The following CDH20 variants were observed in gnomAD, a reference collection of about 807,000 sequenced individuals.
The protein encoded by CDH20 is cadherin-20.
In CDH20, 29 loss-of-function variants were observed where a neutral mutation model predicts 74.2. That is an observed-to-expected ratio of 0.39 (90% CI 0.29 to 0.53). The LOEUF is 0.53. Among genes scored for constraint, CDH20 ranks in the 20% least tolerant of loss-of-function variants. The probability of loss-of-function intolerance (pLI) is 0.69; values close to 1 mark genes in which losing one functional copy is unlikely to be tolerated. For synonymous variants in CDH20, 469 were observed against 405.4 expected (o/e 1.16, Z -1.88); for missense variants, 988 against 1,048.3 (o/e 0.94, Z 0.79).
At chr18:61,368,432 G>T (rs1024915236) in intron 1 of CDH20, among the ~76,000 whole-genome samples, 1 of 122,770 alleles carries the variant, frequency 8.1e-6, no homozygotes, top group Non-Finnish European at 1.6e-5. Flanking sequence ...AGGACTGCTG[G>T]GTCGGGGGTG....
intron 1 of CDH20, among the ~76,000 whole-genome samples, chr18:61,366,881 A>G (rs1910879752): frequency 6.6e-6 from 1 of 152,168 alleles, no homozygotes; most frequent in South Asian, 2.1e-4. Context: ...TACAATGCTA[A>G]ATTACCTTGA....
At chr18:61,417,671 G>T (rs1050282208) in intron 1 of CDH20, among the ~76,000 whole-genome samples, 1 of 151,510 alleles carries the variant, frequency 6.6e-6, no homozygotes, top group East Asian at 1.9e-4. Context: ...GTGTGGAGGG[G>T]GCAGATAGAA....
At chr18:61,431,929 C>T (rs72991872) in intron 1 of CDH20, among the ~76,000 whole-genome samples, 4,156 of 152,028 alleles carry the variant, frequency 0.027, 195 homozygotes, top group East Asian at 0.21. Flanking sequence ...AACATGAACG[C>T]TTTGTATTTA....
At chr18:61,500,102 T>TAAA (rs534695760) in intron 3 of CDH20, among the ~76,000 whole-genome samples, 1 of 56,576 alleles carries the variant, frequency 1.8e-5, no homozygotes. Context: ...GACTCCATCT[T>TAAA]AAAAAAAAAA....
At chr18:61,432,261 A>AAC (rs1913283054) in intron 1 of CDH20, among the ~76,000 whole-genome samples, 1 of 151,354 alleles carries the variant, frequency 6.6e-6, no homozygotes, top group African/African-American at 2.4e-5. Context: ...AAAAAAAAAA[A>AAC]AAACACAAAG....
At chr18:61,549,235 C>G (rs1013362556) in intron 10 of CDH20, among the ~76,000 whole-genome samples, 1 of 152,204 alleles carries the variant, frequency 6.6e-6, no homozygotes, top group African/African-American at 2.4e-5. Flanking sequence ...ACATACACAT[C>G]CCAACTTTGT....
Position 61,500,406 on chromosome 18 carries a change from G to A in CDH20, c.565G>A (p.Ala189Thr). 1 of 1,612,552 alleles carries A rather than the reference G, an allele frequency of 6.2e-7. No homozygotes were observed. The highest frequency in any genetic ancestry group is 1.1e-5 in the South Asian group (1 of 90,786). ...AGGTACCTCCGTCATCCAAGTGACAGCCACAGATGCAGATGACCCGACCTA... is the reference window on the plus strand; with the variant it reads ...AGGTACCTCCGTCATCCAAGTGACAACCACAGATGCAGATGACCCGACCTA... ...PVGTSVIQVTATDADDPTYGN... is the reference protein window; with the variant it reads ...PVGTSVIQVTTTDADDPTYGN... The change falls in exon 4 of 12, where the codon GCC (alanine) becomes ACC (threonine). Residue 189 changes from alanine (A) to threonine (T), a missense_variant. Transcript: ENST00000262717.
At chr18:61,458,156 T>C (rs893043172) in intron 1 of CDH20, among the ~76,000 whole-genome samples, 26 of 152,194 alleles carry the variant, frequency 1.7e-4, no homozygotes, top group African/African-American at 6.0e-4. Flanking sequence ...GGTTGCCTTC[T>C]CATTCCCTAC....
At chr18:61,519,039 T>C (rs1281119068) in intron 6 of CDH20, among the ~76,000 whole-genome samples, 1 of 150,896 alleles carries the variant, frequency 6.6e-6, no homozygotes, top group Non-Finnish European at 1.5e-5. Context: ...AAGATCAACT[T>C]AATGAAAAAA....
intron 6 of CDH20, among the ~76,000 whole-genome samples, chr18:61,517,118 C>A (rs1912028193): frequency 6.6e-6 from 1 of 152,116 alleles, no homozygotes; most frequent in South Asian, 2.1e-4. Context: ...GAATCATGCA[C>A]CTAAATGTAA....
intron 7 of CDH20, among the ~76,000 whole-genome samples, chr18:61,535,068 C>T (rs1048790562): frequency 1.3e-5 from 2 of 152,026 alleles, no homozygotes; most frequent in South Asian, 2.1e-4. Context: ...GTAATCCCGG[C>T]ACTTTGGGAG....
At chr18:61,400,063 C>T (rs1214863427) in intron 1 of CDH20, among the ~76,000 whole-genome samples, 1 of 152,152 alleles carries the variant, frequency 6.6e-6, no homozygotes, top group Non-Finnish European at 1.5e-5. Context: ...ACAGAAAAGT[C>T]TTTGTTGGTC....
rs1394110449 is a variant in CDH20, at chr18:61,555,391, C to G, written c.*696C>G. On this transcript the variant is annotated 3_prime_UTR_variant, in exon 12 of 12. Coordinates refer to ENST00000262717, the MANE Select transcript of CDH20 (RefSeq NM_031891.4). Reference sequence around the variant, plus strand: ...CATCCAACGCCATCAAGTTAGAGTGCTCGTGTCTCCTCTCAGCTATTTAAC... The same window carrying G: ...CATCCAACGCCATCAAGTTAGAGTGGTCGTGTCTCCTCTCAGCTATTTAAC... 6.1e-6 allele frequency: 6 copies of G among 985,466 alleles called. No homozygotes were observed. The highest frequency in any genetic ancestry group is 7.2e-6 in the Non-Finnish European group (6 of 829,956). The allele number at this position is 985,466 out of a possible 1,614,324, so 61.0% of individuals were successfully genotyped here. A position where few individuals can be genotyped will look rare whatever the true frequency, so the allele number is the denominator to read the frequency against.
intron 7 of CDH20, among the ~76,000 whole-genome samples, chr18:61,533,593 T>C (rs1912723485): frequency 1.3e-5 from 2 of 152,236 alleles, no homozygotes; most frequent in Admixed American, 1.3e-4. Flanking sequence ...CTTCACTCTG[T>C]TGTTTCCTTT....
At chr18:61,451,253 A>G (rs1422605458) in intron 1 of CDH20, among the ~76,000 whole-genome samples, 1 of 152,062 alleles carries the variant, frequency 6.6e-6, no homozygotes, top group Non-Finnish European at 1.5e-5. Flanking sequence ...GCCTACTGTC[A>G]AATTTTCAGA....
chr18:61,343,912 T>C (rs1568102627), intron 1 of CDH20, among the ~76,000 whole-genome samples: 1 of 152,130 alleles, frequency 6.6e-6, no homozygotes, highest in Non-Finnish European at 1.5e-5. Flanking sequence ...TACAGTGAAG[T>C]GAGCTTTCCT....
chr18:61,403,360 C>T (rs1912218858), intron 1 of CDH20, among the ~76,000 whole-genome samples: 1 of 152,304 alleles, frequency 6.6e-6, no homozygotes, highest in East Asian at 1.9e-4. Context: ...ATTACTCAAA[C>T]TCATGTAGAA....
At chr18:61,346,133 A>G (rs1910108769) in intron 1 of CDH20, among the ~76,000 whole-genome samples, 2 of 152,222 alleles carry the variant, frequency 1.3e-5, no homozygotes, top group South Asian at 4.1e-4. Flanking sequence ...TATTTGAATA[A>G]CTAGGACAGG....
intron 1 of CDH20, among the ~76,000 whole-genome samples, chr18:61,360,772 C>T (rs548917068): frequency 6.6e-6 from 1 of 152,356 alleles, no homozygotes; most frequent in South Asian, 2.1e-4. Context: ...AAGGACCCAA[C>T]ACATTTCTAA....
Sources: allele counts gnomAD v4.1 joint callset (sites outside exome capture counted in the v4.1 genomes callset), GRCh38; gene constraint gnomAD v4.1.1; transcripts MANE v1.5; gene names NCBI Gene and HGNC (gene_info 2026-07-23, HGNC 2026-07-21).